Variants in GREB1 observed in about 807,000 individuals in gnomAD.
The protein encoded by GREB1 is growth regulating estrogen receptor binding 1.
A neutral mutation model predicts 200.7 loss-of-function variants in GREB1; 106 were observed. The observed-to-expected ratio is 0.53, with a 90% confidence interval of 0.45 to 0.62. The LOEUF is 0.62. Ranked by LOEUF, GREB1 falls within the 20% of genes least tolerant of loss-of-function variation. The pLI is 0.00. For missense variants in GREB1, 2,243 were observed against 2,556.8 expected (o/e 0.88, Z 2.65); for synonymous variants, 1,132 against 1,092.4 (o/e 1.04, Z -0.72).
chr2:11,549,884 A>G (rs1457607779), intron 1 of GREB1, among the ~76,000 whole-genome samples: 1 of 152,148 alleles, frequency 6.6e-6, no homozygotes, highest in African/African-American at 2.4e-5. Flanking sequence ...TGTGATGCTG[A>G]TGATCTTTGG....
At chr2:11,560,437 G>A (rs1337649692) in intron 2 of GREB1, among the ~76,000 whole-genome samples, 16 of 152,078 alleles carry the variant, frequency 1.1e-4, no homozygotes, top group African/African-American at 2.2e-4. Context: ...ATGGTGGCTC[G>A]TGCCTATAAT....
At chr2:11,583,249 C>T (rs1386050424) in intron 7 of GREB1, among the ~76,000 whole-genome samples, 2 of 152,158 alleles carry the variant, frequency 1.3e-5, no homozygotes, top group South Asian at 2.1e-4. Flanking sequence ...GCCCTGTCCC[C>T]TTTGGTCGTT....
chr2:11,555,437 A>C (rs1437346771), intron 1 of GREB1, among the ~76,000 whole-genome samples: 1 of 152,238 alleles, frequency 6.6e-6, no homozygotes, highest in Non-Finnish European at 1.5e-5. Flanking sequence ...AAACAAAAAC[A>C]ATAAAAATGT....
intron 1 of GREB1, among the ~76,000 whole-genome samples, chr2:11,489,153 A>G (rs972636651): frequency 3.9e-5 from 6 of 152,196 alleles, no homozygotes; most frequent in African/African-American, 1.4e-4. Flanking sequence ...AGAACAATTA[A>G]GAATTCTACT....
rs372334651 is a variant in GREB1 at position 11,556,570 on chromosome 2, G to C, written c.-45G>C. 2,416 of 1,536,708 alleles carry C rather than the reference G, an allele frequency of 1.6e-3. 3 individuals are homozygous for C. Among genetic ancestry groups the C allele is most frequent in the Non-Finnish European group, 2.0e-3 (2,239 of 1,126,008 alleles). On this transcript the variant is annotated 5_prime_UTR_variant, in exon 2 of 33. Transcript: ENST00000381486. The stretch of plus-strand genomic sequence containing the variant: ...TTGCGTGGAGCCAGGCTTTTGCACC[G>C]AATCTGAGATGCCATTTTAAACAGA...
intron 17 of GREB1, among the ~76,000 whole-genome samples, chr2:11,603,109 A>G (rs1194034118): frequency 6.6e-6 from 1 of 152,218 alleles, no homozygotes; most frequent in Non-Finnish European, 1.5e-5. Flanking sequence ...ACCCAGAGTC[A>G]ATCTGACTGC....
intron 3 of GREB1, among the ~76,000 whole-genome samples, chr2:11,564,469 C>T (rs1677415759): frequency 6.6e-6 from 1 of 152,182 alleles, no homozygotes; most frequent in African/African-American, 2.4e-5. Context: ...TGCTTGAACC[C>T]AGACTTTGAG....
intron 1 of GREB1, among the ~76,000 whole-genome samples, chr2:11,496,606 T>C (rs967709331): frequency 4.8e-5 from 7 of 146,840 alleles, no homozygotes; most frequent in Non-Finnish European, 4.5e-5. Context: ...TATGGCAAGC[T>C]GCTAGCAAGA....
intron 9 of GREB1, 133 bp from the exon 10 acceptor site, chr2:11,588,613 A>G (rs1447756758): frequency 1.2e-6 from 1 of 835,012 alleles, no homozygotes; most frequent in Non-Finnish European, 2.1e-6. Flanking sequence ...AAGGCTTCCC[A>G]GGACAGGGCA....
At chr2:11,539,277 C>T (rs1440282251) in intron 1 of GREB1, among the ~76,000 whole-genome samples, 1 of 151,970 alleles carries the variant, frequency 6.6e-6, no homozygotes, top group Non-Finnish European at 1.5e-5. Context: ...TTTCCCACTC[C>T]TGGGCTCAAG....
chr2:11,612,001 C>T (rs1682977385), intron 18 of GREB1, among the ~76,000 whole-genome samples: 1 of 152,090 alleles, frequency 6.6e-6, no homozygotes, highest in African/African-American at 2.4e-5. Flanking sequence ...CGAGATAAGC[C>T]TGGCCAGCAT....
Position 11,616,736 on chromosome 2 carries a change from C to CGTGT in GREB1, c.3412+17_3412+18insTGTG. Reference sequence around the variant, plus strand: ...AAGGCTTCCGGTGAGTCTTCCCACACGGGAAGGACCAGACCAGCAGACTGA... The same window carrying CGTGT: ...AAGGCTTCCGGTGAGTCTTCCCACACGTGTGGGAAGGACCAGACCAGCAGACTGA... On this transcript the variant is annotated intron_variant, in intron 21 of 32. Transcript: ENST00000381486. 2.7e-6 allele frequency: 4 copies of CGTGT among 1,495,358 alleles called. No individual in the cohort carries two copies. Among genetic ancestry groups the CGTGT allele is most frequent in the East Asian group, 2.3e-5 (1 of 44,332 alleles). The allele number at this position is 1,495,358 out of a possible 1,614,324, so 92.6% of individuals were successfully genotyped here.
intron 1 of GREB1, among the ~76,000 whole-genome samples, chr2:11,553,845 G>T (rs1444605524): frequency 2.6e-5 from 4 of 152,142 alleles, no homozygotes; most frequent in Admixed American, 6.5e-5. Context: ...AGGACCTTGG[G>T]CAGGGAGGGT....
intron 27 of GREB1, among the ~76,000 whole-genome samples, chr2:11,632,384 G>A (rs887587431): frequency 2.8e-5 from 4 of 143,986 alleles, no homozygotes; most frequent in African/African-American, 7.8e-5. Flanking sequence ...TGTCATCCAG[G>A]CTGGAGTGCA....
chr2:11,505,426 A>G (rs1673158856), intron 1 of GREB1, among the ~76,000 whole-genome samples: 1 of 152,198 alleles, frequency 6.6e-6, no homozygotes, highest in Non-Finnish European at 1.5e-5. Flanking sequence ...TCCTCTGGAC[A>G]GAGCTAGAGT....
chr2:11,563,919 A>T (rs1395176295), intron 3 of GREB1, among the ~76,000 whole-genome samples: 4 of 152,186 alleles, frequency 2.6e-5, no homozygotes, highest in Non-Finnish European at 5.9e-5. Context: ...GTTGGGAGCA[A>T]GCAGGGGTGC....
At chr2:11,595,230 T>C (rs1328174183) in intron 11 of GREB1, 21 bp from the exon 12 acceptor site, 1 of 1,605,666 alleles carries the variant, frequency 6.2e-7, no homozygotes, top group African/African-American at 1.3e-5. Flanking sequence ...ATGGGTACTG[T>C]GAAATCTGTT....
At position 11,597,926 on chromosome 2, in the gene GREB1, T is replaced by TC. The variant is rs1681417361; in HGVS notation, c.2106dup (p.Ser703LeufsTer49). 1.2e-6 allele frequency: 2 copies of TC among 1,614,032 alleles called. No homozygotes were observed. Among genetic ancestry groups the TC allele is most frequent in the Non-Finnish European group, 1.7e-6 (2 of 1,179,974 alleles). Reference sequence around the variant, plus strand: ...AGAAGGTGGACTTTCTCATTTGCATTCCCCCCTCAGAAGTGACCTACCAGC... The same window carrying TC: ...AGAAGGTGGACTTTCTCATTTGCATTCCCCCCCTCAGAAGTGACCTACCAGC... On this transcript the variant is annotated frameshift_variant, in exon 14 of 33. Coordinates refer to ENST00000381486, the MANE Select transcript of GREB1 (RefSeq NM_014668.4). LOFTEE classifies it high-confidence loss of function. This position sits in a 1 kb window ranked among gnomAD's most constrained non-coding sequence, Gnocchi z 4.1.
rs1678864511 is a variant in GREB1, at chr2:11,576,427, C to G, written c.529C>G (p.Leu177Val). The part of the protein sequence containing the change: ...YFTEFSNHIN[L>V]KLTTQPKKQK... ...CACGGAATTCTCCAATCATATAAAT[C>G]TGAAACTGACCACTCAACCCAAGAA... Residue 177 changes from leucine to valine, a missense_variant, in exon 5 of 33, where the codon CTG (leucine) becomes GTG (valine). By Grantham distance (32) the Leu-to-Val change is conservative (BLOSUM62 1). Coordinates refer to ENST00000381486, the MANE Select transcript of GREB1 (RefSeq NM_014668.4). The G allele has an allele frequency of 1.2e-6, 2 of 1,613,664 alleles. No individual in the cohort carries two copies. Among genetic ancestry groups the G allele is most frequent in the African/African-American group, 2.7e-5 (2 of 74,918 alleles).
Sources: allele counts gnomAD v4.1 joint callset (sites outside exome capture counted in the v4.1 genomes callset), GRCh38; gene constraint gnomAD v4.1.1; non-coding constraint Gnocchi (gnomAD v3.1); transcripts MANE v1.5; gene names NCBI Gene and HGNC (gene_info 2026-07-23, HGNC 2026-07-21).